Variants in CRIPT observed in about 807,000 individuals in gnomAD.
CRIPT encodes cysteine-rich PDZ-binding protein.
In CRIPT, 20 loss-of-function variants were observed where a neutral mutation model predicts 16.6. That is an observed-to-expected ratio of 1.20 (90% CI 0.85 to 1.75). The LOEUF (loss-of-function observed/expected upper bound fraction) is 1.75, where lower values mean the gene tolerates loss of function less well. CRIPT is among the 40% of genes most tolerant of loss of function. The pLI, the probability that CRIPT is intolerant of heterozygous loss-of-function variation, is 0.00. For missense variants in CRIPT, 133 were observed against 115.3 expected, an observed-to-expected ratio of 1.15 and a Z score of -0.70; for synonymous variants, 42 against 37.0, an observed-to-expected ratio of 1.14 and a Z score of -0.49.
Position 46,629,452 on chromosome 2 carries a change from T to C in CRIPT, c.*5225T>C, listed in dbSNP as rs895042227. Among the ~76,000 whole-genome samples the C allele has an allele frequency of 6.6e-6, 1 of 152,218 alleles. No homozygotes were observed. The highest frequency in any genetic ancestry group is 2.4e-5 in the African/African-American group (1 of 41,462). ...TTTGCTGTTTTATTGGTAATTTTTT[T>C]CAGCTCCACGATCCAGCCTAGGATC... On this transcript the variant is annotated 3_prime_UTR_variant, in exon 5 of 5. Coordinates refer to ENST00000238892, the MANE Select transcript of CRIPT (RefSeq NM_014171.6).
rs556367308 is a variant in CRIPT, at chr2:46,623,760, C to G, written c.138-4C>G. 5 of 1,573,302 alleles carry G rather than the reference C, an allele frequency of 3.2e-6. No individual in the cohort carries two copies. The African/African-American group carries it at 5.5e-5, about 17-fold the overall frequency. On this transcript the variant is annotated splice_polypyrimidine_tract_variant and splice_region_variant and intron_variant, in intron 3 of 4. Coordinates refer to ENST00000238892, the MANE Select transcript of CRIPT (RefSeq NM_014171.6). ...AATTTTCTCTCTTTAAAAAAAATTTCTAGATTTGATCCATATGGAAAGAAT... is the reference window on the plus strand; with the variant it reads ...AATTTTCTCTCTTTAAAAAAAATTTGTAGATTTGATCCATATGGAAAGAAT...
chr2:46,618,929 T>C, intron 2 of CRIPT, 91 bp downstream of exon 2: 2 of 811,094 alleles, frequency 2.5e-6, no homozygotes, highest in Non-Finnish European at 4.0e-6. Context: ...TGAAATGTTA[T>C]GTGTTCAAAG....
chr2:46,623,886 C>A lies in CRIPT; in HGVS notation c.241+19C>A, dbSNP rs10194490. On this transcript the variant is annotated intron_variant, in intron 4 of 4. Transcript: ENST00000238892. ...AAAAAAGGTAAGTTTCTTTTAATAC[C>A]GTTTTCTATTCATAAAACCGACTTC... 2 of 1,515,972 alleles carry A rather than the reference C, an allele frequency of 1.3e-6. No individual in the cohort carries two copies. Among genetic ancestry groups the A allele is most frequent in the Admixed American group, 1.8e-5 (1 of 54,658 alleles). The allele number at this position is 1,515,972 out of a possible 1,614,324, so 93.9% of individuals were successfully genotyped here.
At chr2:46,623,997 A>G (rs1466408264) in intron 4 of CRIPT, 130 bp downstream of exon 4, 4 of 542,572 alleles carry the variant, frequency 7.4e-6, no homozygotes. Flanking sequence ...AAGGCAAAAT[A>G]GAACCTAAAA....
rs1010821433 is a variant in CRIPT, at chr2:46,629,894, G to T, written c.*5667G>T. On this transcript the variant is annotated 3_prime_UTR_variant, in exon 5 of 5. Coordinates refer to ENST00000238892, the MANE Select transcript of CRIPT (RefSeq NM_014171.6). ...GGTTTAGCATCCTTTGACGATTCTTGTCTGAATAAATTTTTACTAGGATGT... is the reference window on the plus strand; with the variant it reads ...GGTTTAGCATCCTTTGACGATTCTTTTCTGAATAAATTTTTACTAGGATGT... 4.6e-5 allele frequency among the ~76,000 whole-genome samples: 7 copies of T among 152,112 alleles called. No individual in the cohort carries two copies. Among genetic ancestry groups the T allele is most frequent in the African/African-American group, 1.7e-4 (7 of 41,412 alleles).
intron 1 of CRIPT, among the ~76,000 whole-genome samples, chr2:46,617,572 A>G (rs1670695612): frequency 6.6e-6 from 1 of 152,108 alleles, no homozygotes; most frequent in South Asian, 2.1e-4. Context: ...CTCCCATATA[A>G]AAATGTGCAG....
intron 3 of CRIPT, among the ~76,000 whole-genome samples, 153 bp downstream of exon 3, chr2:46,619,834 C>T (rs1245771344): frequency 6.6e-6 from 1 of 152,172 alleles, no homozygotes; most frequent in African/African-American, 2.4e-5. Context: ...TATAATCCTG[C>T]TGGTTTTACC....
intron 3 of CRIPT, 61 bp from the exon 4 acceptor site, chr2:46,623,703 G>T: frequency 1.1e-6 from 1 of 878,680 alleles, no homozygotes; most frequent in Middle Eastern, 3.3e-4. Flanking sequence ...GCGTAAGTGG[G>T]GTTATTTAAG....
At position 46,627,383 on chromosome 2, in the gene CRIPT, A is replaced by G. The variant is rs1180308206; in HGVS notation, c.*3156A>G. Among the ~76,000 whole-genome samples the G allele has an allele frequency of 6.6e-6, 1 of 150,550 alleles. No individual in the cohort carries two copies. The highest frequency in any genetic ancestry group is 1.9e-4 in the East Asian group (1 of 5,146). ...GTTCTTTCCCATAGCTGATGTCCAG[A>G]TGTTATTTCGTAGGTTTTCTTCTAG... On this transcript the variant is annotated 3_prime_UTR_variant, in exon 5 of 5. Coordinates refer to ENST00000238892, the MANE Select transcript of CRIPT (RefSeq NM_014171.6).
intron 3 of CRIPT, among the ~76,000 whole-genome samples, chr2:46,623,193 T>C (rs571600643): frequency 7.2e-5 from 11 of 152,290 alleles, no homozygotes; most frequent in African/African-American, 1.9e-4. Flanking sequence ...CATTTGGTAT[T>C]GAAACAAAGC....
rs2104180053 is a variant in CRIPT at position 46,626,588 on chromosome 2, T to A, written c.*2361T>A. Among the ~76,000 whole-genome samples, 1 of 152,288 alleles carries A rather than the reference T, an allele frequency of 6.6e-6. No homozygotes were observed. Among genetic ancestry groups the A allele is most frequent in the Admixed American group, 6.5e-5 (1 of 15,298 alleles). ...TTCTACACTGCACTGGCTTCTACAG[T>A]GTTGAAGCATTCCGTTTTTCCCACA... On this transcript the variant is annotated 3_prime_UTR_variant, in exon 5 of 5. Transcript: ENST00000238892.
rs1670912112 is a variant in CRIPT, at chr2:46,625,352, G to A, written c.*1125G>A. On this transcript the variant is annotated 3_prime_UTR_variant, in exon 5 of 5. Coordinates refer to ENST00000238892, the MANE Select transcript of CRIPT (RefSeq NM_014171.6). The stretch of plus-strand genomic sequence containing the variant: ...TTCCGAAGTGCTGGGATACAGGTGT[G>A]AGCCACAGAACTTGGCCTCTCTCTT... 6.9e-6 allele frequency: 1 copy of A among 143,954 alleles called. No individual in the cohort carries two copies. The highest frequency in any genetic ancestry group is 2.3e-4 in the South Asian group (1 of 4,422). The allele number at this position is 143,954 out of a possible 1,614,324, so 8.9% of individuals were successfully genotyped here. A position where few individuals can be genotyped will look rare whatever the true frequency, so the allele number is the denominator to read the frequency against.
rs148205973 is a variant in CRIPT, at chr2:46,626,819, G to T, written c.*2592G>T. Among the ~76,000 whole-genome samples, 1 of 151,686 alleles carries T rather than the reference G, an allele frequency of 6.6e-6. No individual in the cohort carries two copies. The highest frequency in any genetic ancestry group is 1.9e-4 in the East Asian group (1 of 5,172). ...ATTTTTTTAATGGGTTTTTGTTTGT[G>T]TGTGTGTATTTTTGTTTTTGTTTTT... On this transcript the variant is annotated 3_prime_UTR_variant, in exon 5 of 5. Transcript: ENST00000238892.
At position 46,627,643 on chromosome 2, in the gene CRIPT, C is replaced by G. The variant is rs369341433; in HGVS notation, c.*3416C>G. Among the ~76,000 whole-genome samples the G allele has an allele frequency of 6.6e-6, 1 of 152,036 alleles. No individual in the cohort carries two copies. The highest frequency in any genetic ancestry group is 2.4e-5 in the African/African-American group (1 of 41,378). ...TATTTTTAGTAGGAATGGGGTTTTA[C>G]CATGTTGGCCAGGCTGGTCTTGAAT... On this transcript the variant is annotated 3_prime_UTR_variant, in exon 5 of 5. Transcript: ENST00000238892.
chr2:46,618,750 C>A (rs762591197), intron 1 of CRIPT, 23 bp from the exon 2 acceptor site: 1 of 1,512,100 alleles, frequency 6.6e-7, no homozygotes, highest in Non-Finnish European at 9.1e-7. Context: ...TTTAATTTTC[C>A]TTTTACTATC....
At chr2:46,619,020 G>A (rs1670740184) in intron 2 of CRIPT, among the ~76,000 whole-genome samples, 182 bp downstream of exon 2, 1 of 152,020 alleles carries the variant, frequency 6.6e-6, no homozygotes, top group Non-Finnish European at 1.5e-5. Flanking sequence ...TTACTTGTAC[G>A]GGTTCCTAAT....
At position 46,624,425 on chromosome 2, in the gene CRIPT, C is replaced by T. The variant is rs1572796552; in HGVS notation, c.*198C>T. The stretch of plus-strand genomic sequence containing the variant: ...TCTTTTGTTGTAAATGGTTATTTTC[C>T]TTATAAGAATTTTAAGAACTAAGTG... On this transcript the variant is annotated 3_prime_UTR_variant, in exon 5 of 5. Coordinates refer to ENST00000238892, the MANE Select transcript of CRIPT (RefSeq NM_014171.6). 5.5e-6 allele frequency: 2 copies of T among 364,964 alleles called. No homozygotes were observed. The highest frequency in any genetic ancestry group is 8.1e-5 in the East Asian group (2 of 24,690). The allele number at this position is 364,964 out of a possible 1,614,324, so 22.6% of individuals were successfully genotyped here. A position where few individuals can be genotyped will look rare whatever the true frequency, so the allele number is the denominator to read the frequency against.
intron 3 of CRIPT, among the ~76,000 whole-genome samples, chr2:46,621,818 T>G (rs1670809335): frequency 6.6e-6 from 1 of 152,226 alleles, no homozygotes. Flanking sequence ...ACACTATATA[T>G]TATTGACTGA....
At position 46,624,291 on chromosome 2, in the gene CRIPT, T is replaced by C. The variant is rs1670882420; in HGVS notation, c.*64T>C. 2.9e-6 allele frequency: 3 copies of C among 1,027,976 alleles called. No homozygotes were observed. The highest frequency in any genetic ancestry group is 2.7e-5 in the East Asian group (1 of 37,176). 63.7% of individuals were successfully genotyped at this position (1,027,976 alleles called of 1,614,324 possible). A position where few individuals can be genotyped will look rare whatever the true frequency, so the allele number is the denominator to read the frequency against. On this transcript the variant is annotated 3_prime_UTR_variant, in exon 5 of 5. Transcript: ENST00000238892. Reference sequence around the variant, plus strand: ...CTTTCTGCCTTGAATTTTCAAGGCATAGATGTCAACTTACAGAATAACATG... The same window carrying C: ...CTTTCTGCCTTGAATTTTCAAGGCACAGATGTCAACTTACAGAATAACATG...
Sources: allele counts gnomAD v4.1 joint callset (sites outside exome capture counted in the v4.1 genomes callset), GRCh38; gene constraint gnomAD v4.1.1; transcripts MANE v1.5; gene names NCBI Gene and HGNC (gene_info 2026-07-23, HGNC 2026-07-21).